Variants in SYT1 observed in about 807,000 individuals in gnomAD.
SYT1 encodes the protein synaptotagmin 1, also known as synaptotagmin-1.
Under a neutral mutation model 44.8 loss-of-function variants are expected in SYT1, and 8 were observed. The observed-to-expected ratio is 0.18, with a 90% CI of 0.10 to 0.32. The LOEUF (loss-of-function observed/expected upper bound fraction) is 0.32. Among genes scored for constraint, SYT1 ranks in the 10% least tolerant of loss-of-function variants. The pLI is 1.00. For synonymous variants in SYT1, 154 were observed against 188.8 expected (o/e 0.82, Z 1.51); for missense variants, 286 against 509.3 (o/e 0.56, Z 4.22).
At chr12:78,908,496 C>T (rs928778879) in intron 1 of SYT1, among the ~76,000 whole-genome samples, 6 of 151,666 alleles carry the variant, frequency 4.0e-5, no homozygotes, top group African/African-American at 1.5e-4. Context: ...TTCATAAGAA[C>T]ATATCTCAAC....
Position 79,210,570 on chromosome 12 carries a change from C to T in SYT1, c.-17-6933C>T, listed in dbSNP as rs567767366. Among the ~76,000 whole-genome samples the T allele has an allele frequency of 3.3e-5, 5 of 152,308 alleles. No homozygotes were observed. The East Asian group carries it at 9.6e-4, about 29-fold the overall frequency. On this transcript the variant is annotated intron_variant, in intron 3 of 10. Coordinates refer to ENST00000261205, the MANE Select transcript of SYT1 (RefSeq NM_005639.3). The stretch of plus-strand genomic sequence containing the variant: ...AATCTCATCCAGGTTGCTGCAAGTG[C>T]CGTTTATTCATTCCTTTTCATGGCT...
At chr12:79,215,753 G>A (rs1234824787) in intron 3 of SYT1, among the ~76,000 whole-genome samples, 1 of 151,982 alleles carries the variant, frequency 6.6e-6, no homozygotes, top group South Asian at 2.1e-4. Flanking sequence ...CTATGTATAT[G>A]TGTTAGCCTC....
chr12:78,967,115 T>C (rs544148613), intron 1 of SYT1, among the ~76,000 whole-genome samples: 2 of 152,252 alleles, frequency 1.3e-5, no homozygotes, highest in East Asian at 3.9e-4. Flanking sequence ...CATCTTATGC[T>C]CAATTTAACA....
At chr12:79,052,128 A>AT (rs912646944) in intron 3 of SYT1, among the ~76,000 whole-genome samples, 3 of 152,038 alleles carry the variant, frequency 2.0e-5, no homozygotes, top group African/African-American at 7.2e-5. Context: ...CAGTATGGCC[A>AT]TTTTCACAAT....
rs1226936780 is a variant in SYT1 at position 79,444,164 on chromosome 12, C to T, written c.1020C>T (p.Tyr340=). 6.2e-7 allele frequency: 1 copy of T among 1,613,696 alleles called. No homozygotes were observed. The highest frequency in any genetic ancestry group is 8.5e-7 in the Non-Finnish European group (1 of 1,179,696). ...TIKKNTLNPY[Y]NESFSFEVPF... ...AAAAGAACACACTTAACCCCTACTA[C>T]AATGAGTCATTCAGCTTTGAAGTAC... The change falls in exon 10 of 11, where the codon TAC becomes TAT. Residue 340 remains tyrosine (Y), a synonymous_variant. Transcript: ENST00000261205.
At chr12:79,399,703 T>C (rs943032940) in intron 9 of SYT1, among the ~76,000 whole-genome samples, 5 of 152,278 alleles carry the variant, frequency 3.3e-5, no homozygotes, top group East Asian at 1.9e-4. Flanking sequence ...CTCTGAAACA[T>C]TGGGGTTTCT....
chr12:79,007,376 A>C (rs1053923826), intron 2 of SYT1, among the ~76,000 whole-genome samples: 2 of 152,128 alleles, frequency 1.3e-5, no homozygotes, highest in Non-Finnish European at 2.9e-5. Context: ...GTCATTGAGC[A>C]CATGGAAACT....
At chr12:78,901,076 A>G (rs867194152) in intron 1 of SYT1, among the ~76,000 whole-genome samples, 1 of 152,076 alleles carries the variant, frequency 6.6e-6, no homozygotes, top group Non-Finnish European at 1.5e-5. Context: ...ACTTGTATGG[A>G]TATGTATCTC....
rs1417328456 is a variant in SYT1 at position 79,130,192 on chromosome 12, G to T, written c.-18+82830G>T. Among the ~76,000 whole-genome samples, 3 of 152,114 alleles carry T rather than the reference G, an allele frequency of 2.0e-5. No individual in the cohort carries two copies. The East Asian group carries it at 5.8e-4, about 29-fold the overall frequency. ...CAGGAATAAAGTGTTTTTTCACAGT[G>T]AGCTGTAACTGAGTGATTATATATG... On this transcript the variant is annotated intron_variant, in intron 3 of 10. Coordinates refer to ENST00000261205, the MANE Select transcript of SYT1 (RefSeq NM_005639.3).
At chr12:79,068,001 T>C (rs1875994320) in intron 3 of SYT1, among the ~76,000 whole-genome samples, 1 of 152,206 alleles carries the variant, frequency 6.6e-6, no homozygotes. Flanking sequence ...GAGACAAGCC[T>C]TAAAGAAGGT....
At chr12:79,226,553 A>G (rs1287972190) in intron 4 of SYT1, among the ~76,000 whole-genome samples, 1 of 152,098 alleles carries the variant, frequency 6.6e-6, no homozygotes, top group East Asian at 1.9e-4. Context: ...TCTGAGTACC[A>G]CCCCTAAAAA....
intron 3 of SYT1, among the ~76,000 whole-genome samples, chr12:79,076,093 C>T (rs961268092): frequency 5.3e-5 from 8 of 151,924 alleles, no homozygotes; most frequent in Non-Finnish European, 1.2e-4. Flanking sequence ...AACGGGGAAA[C>T]CTATGACCTT....
At chr12:79,443,970 A>T in intron 9 of SYT1, 103 bp from the exon 10 acceptor site, 1 of 1,208,530 alleles carries the variant, frequency 8.3e-7, no homozygotes, top group South Asian at 1.4e-5. Context: ...AATACATGCT[A>T]TATAATTATT....
intron 3 of SYT1, among the ~76,000 whole-genome samples, chr12:79,059,257 G>A (rs965887441): frequency 3.9e-5 from 6 of 152,084 alleles, no homozygotes; most frequent in Admixed American, 3.9e-4. Flanking sequence ...TGGGAATTAT[G>A]GGAGCTACAA....
intron 8 of SYT1, among the ~76,000 whole-genome samples, chr12:79,333,087 T>C (rs1881928544): frequency 6.6e-6 from 1 of 152,138 alleles, no homozygotes; most frequent in African/African-American, 2.4e-5. Flanking sequence ...AAAATGGCCA[T>C]AGTTATCATT....
intron 3 of SYT1, among the ~76,000 whole-genome samples, chr12:79,130,565 A>G (rs145253086): frequency 7.5e-4 from 114 of 152,308 alleles, no homozygotes; most frequent in African/African-American, 2.6e-3. Flanking sequence ...TGGAGCAAAG[A>G]TCAAGTTTAT....
At chr12:78,896,243 A>G (rs1875349103) in intron 1 of SYT1, among the ~76,000 whole-genome samples, 1 of 151,722 alleles carries the variant, frequency 6.6e-6, no homozygotes. Context: ...AAAATTGCCT[A>G]TTTCTATGGT....
chr12:79,093,047 G>T (rs1294964595), intron 3 of SYT1, among the ~76,000 whole-genome samples: 1 of 151,566 alleles, frequency 6.6e-6, no homozygotes, highest in Non-Finnish European at 1.5e-5. Flanking sequence ...CTCAAAGAAG[G>T]TTAAACATAC....
At chr12:79,060,846 CT>C (rs1250408298) in intron 3 of SYT1, among the ~76,000 whole-genome samples, 2 of 151,708 alleles carry the variant, frequency 1.3e-5, no homozygotes, top group African/African-American at 4.8e-5. Flanking sequence ...ATCATAAGCC[CT>C]AAAATTAATC....
Sources: allele counts gnomAD v4.1 joint callset (sites outside exome capture counted in the v4.1 genomes callset), GRCh38; gene constraint gnomAD v4.1.1; transcripts MANE v1.5; gene names NCBI Gene and HGNC (gene_info 2026-07-23, HGNC 2026-07-21).